ZNF728: variants seen among roughly 807,000 people sequenced by gnomAD.
ZNF728 encodes zinc finger protein 728.
Under a neutral mutation model 12.5 loss-of-function variants are expected in ZNF728, and 12 were observed. That is an observed-to-expected ratio of 0.96 (90% CI 0.61 to 1.55). The LOEUF (loss-of-function observed/expected upper bound fraction) is 1.55. ZNF728 is among the 40% of genes most tolerant of loss of function. ZNF728 has a pLI of 0.00. For missense variants in ZNF728, 692 were observed against 719.2 expected, an observed-to-expected ratio of 0.96 and a Z score of 0.43; for synonymous variants, 205 against 240.7, an observed-to-expected ratio of 0.85 and a Z score of 1.37.
Position 22,975,719 on chromosome 19 carries a change from C to G in ZNF728, c.1618G>C (p.Glu540Gln). Residue 540 changes from glutamate (E) to glutamine (Q), a missense_variant, in exon 4 of 4, where the codon GAA (glutamate) becomes CAA (glutamine). Around this residue, in one of 3 missense-constraint regions of ZNF728, gnomAD observed 244 missense variants for 235.2 expected, o/e 1.04. Transcript: ENST00000594710. ...HTGEKQYKCE[E>Q]CGKAFIWSSR... Reference sequence around the variant, plus strand: ...GACCAGATGAAGGCTTTGCCACATTCTTCACATTTGTATTGTTTCTCTCCA... The same window carrying G: ...GACCAGATGAAGGCTTTGCCACATTGTTCACATTTGTATTGTTTCTCTCCA... The G allele has an allele frequency of 6.2e-7, 1 of 1,611,816 alleles. No individual in the cohort carries two copies. Among genetic ancestry groups the G allele is most frequent in the South Asian group, 1.1e-5 (1 of 91,044 alleles).
At chr19:22,996,555 C>T (rs1284928672) in intron 1 of ZNF728, among the ~76,000 whole-genome samples, 1 of 152,116 alleles carries the variant, frequency 6.6e-6, no homozygotes, top group Non-Finnish European at 1.5e-5. Context: ...CTTTTTTATG[C>T]TCTTGAAATG....
chr19:22,979,851 T>C (rs1269517560), intron 3 of ZNF728, among the ~76,000 whole-genome samples: 1 of 152,232 alleles, frequency 6.6e-6, no homozygotes, highest in African/African-American at 2.4e-5. Context: ...CAAGAGCTCC[T>C]GAAGGAAGCA....
rs1459696010 is a variant in ZNF728 at position 22,975,784 on chromosome 19, C to A, written c.1553G>T (p.Ser518Ile). 6.2e-7 allele frequency: 1 copy of A among 1,609,868 alleles called. No individual in the cohort carries two copies. The highest frequency in any genetic ancestry group is 1.3e-5 in the African/African-American group (1 of 74,166). Residue 518 changes from serine (S) to isoleucine (I), a missense_variant, in exon 4 of 4, where the codon AGT becomes ATT. Physicochemically the swap from Ser to Ile is moderately radical, Grantham distance 142. Transcript: ENST00000594710. ...ATGTTTAGTAAGGTTTGCAACCTTA[C>A]TGAAGGCTTTGCCACATTCTTCACA... ...YKCEECGKAFSKVANLTKHKV... is the reference protein window; with the variant it reads ...YKCEECGKAFIKVANLTKHKV...
intron 1 of ZNF728, among the ~76,000 whole-genome samples, chr19:22,989,794 A>T (rs993060656): frequency 1.3e-5 from 2 of 151,960 alleles, no homozygotes; most frequent in Admixed American, 6.6e-5. Flanking sequence ...TCTCCTATAA[A>T]TTTTTTTAGA....
At chr19:22,991,467 A>C (rs1968986925) in intron 1 of ZNF728, among the ~76,000 whole-genome samples, 4 of 152,228 alleles carry the variant, frequency 2.6e-5, no homozygotes, top group South Asian at 2.1e-4. Context: ...AATTTAATGC[A>C]ATTTAGATAA....
chr19:22,976,732 T>G lies in ZNF728; in HGVS notation c.605A>C (p.Lys202Thr). The part of the protein sequence containing the change: ...KRIYTRENSY[K>T]SEEHGKAFNW... ...AAAGGCTTTGCCATGTTCTTCACTT[T>G]TGTAGGAATTCTCTCTAGTATAAAT... is the stretch of plus-strand genomic sequence containing the variant. The change falls in exon 4 of 4, where the codon AAA (lysine) becomes ACA (threonine). Residue 202 changes from lysine (K) to threonine (T), a missense_variant. Transcript: ENST00000594710. 6.2e-7 allele frequency: 1 copy of G among 1,613,460 alleles called. No homozygotes were observed. Among genetic ancestry groups the G allele is most frequent in the Non-Finnish European group, 8.5e-7 (1 of 1,179,928 alleles).
chr19:23,001,919 TG>T (rs752990092), intron 1 of ZNF728, among the ~76,000 whole-genome samples: 6 of 152,014 alleles, frequency 3.9e-5, no homozygotes, highest in Non-Finnish European at 8.8e-5. Flanking sequence ...TTGGGACACA[TG>T]TGAAAAATGC....
chr19:22,988,529 A>G, intron 1 of ZNF728, 78 bp from the exon 2 acceptor site: 7 of 1,569,628 alleles, frequency 4.5e-6, no homozygotes, highest in Non-Finnish European at 6.0e-6. Flanking sequence ...GGTAAAATGG[A>G]AAGAGTAAAA....
chr19:22,990,673 T>C (rs1968977581), intron 1 of ZNF728, among the ~76,000 whole-genome samples: 1 of 151,950 alleles, frequency 6.6e-6, no homozygotes, highest in African/African-American at 2.4e-5. Flanking sequence ...ATGAATGTAT[T>C]ATGAATTCCT....
intron 3 of ZNF728, among the ~76,000 whole-genome samples, chr19:22,978,519 A>G (rs1350645472): frequency 1.3e-5 from 2 of 152,224 alleles, no homozygotes; most frequent in African/African-American, 4.8e-5. Context: ...TAAGGGTCAG[A>G]CTGCCACCTC....
chr19:22,988,400 G>A lies in ZNF728; in HGVS notation c.55C>T (p.Gln19Ter), dbSNP rs562053933. ...VAIQFSLEEWQCLDTAQQNLY... is the reference protein window; with the variant it reads ...VAIQFSLEEW Reference sequence around the variant, plus strand: ...TTCTGCTGTGCAGTGTCCAGGCATTGCCACTCCTCCAGAGAGAATTGTATG... The same window carrying A: ...TTCTGCTGTGCAGTGTCCAGGCATTACCACTCCTCCAGAGAGAATTGTATG... Residue 19 changes from glutamine (Q) to a stop codon, truncating the protein, a stop_gained, in exon 2 of 4, where the codon CAA becomes TAA. Transcript: ENST00000594710. LOFTEE classifies it high-confidence loss of function. 4 of 1,614,042 alleles carry A rather than the reference G, an allele frequency of 2.5e-6. No individual in the cohort carries two copies. Among genetic ancestry groups the A allele is most frequent in the African/African-American group, 1.3e-5 (1 of 75,014 alleles).
At chr19:22,992,246 T>C (rs1568277386) in intron 1 of ZNF728, among the ~76,000 whole-genome samples, 1 of 152,006 alleles carries the variant, frequency 6.6e-6, no homozygotes, top group Non-Finnish European at 1.5e-5. Flanking sequence ...TTTTCTTTTC[T>C]TTTTCCTTTT....
intron 1 of ZNF728, chr19:22,995,918 G>C (rs1969045346): frequency 6.6e-6 from 1 of 152,150 alleles, no homozygotes; most frequent in Non-Finnish European, 1.5e-5. Context: ...TAACTGGAGA[G>C]CTATTATGGT....
At position 22,976,613 on chromosome 19, in the gene ZNF728, T is replaced by C. The variant is rs1208755321; in HGVS notation, c.724A>G (p.Ile242Val). 5.0e-6 allele frequency: 8 copies of C among 1,610,728 alleles called. No individual in the cohort carries two copies. Among genetic ancestry groups the C allele is most frequent in the African/African-American group, 1.3e-5 (1 of 74,886 alleles). ...TGAATTACCTTATGCTTAGTAAGGA[T>C]TGAGAACTTACTAAAGGCTTTGCCA... The part of the protein sequence containing the change: ...ECGKAFSKFS[I>V]LTKHKVIHTG... Residue 242 changes from isoleucine (I) to valine (V), a missense_variant, in exon 4 of 4, where the codon ATC (isoleucine) becomes GTC (valine). Coordinates refer to ENST00000594710, the MANE Select transcript of ZNF728 (RefSeq NM_001267716.2).
intron 1 of ZNF728, among the ~76,000 whole-genome samples, chr19:23,000,270 C>T (rs1396442393): frequency 2.6e-5 from 4 of 151,468 alleles, no homozygotes; most frequent in African/African-American, 4.8e-5. Flanking sequence ...CCCAGCTACT[C>T]GGGAGACTGA....
chr19:22,977,255 T>C (rs1968817143), intron 3 of ZNF728, 145 bp from the exon 4 acceptor site: 1 of 792,428 alleles, frequency 1.3e-6, no homozygotes, highest in African/African-American at 1.7e-5. Flanking sequence ...CATATAAATG[T>C]AATAAAAGCA....
chr19:22,986,110 G>A (rs1968914079), intron 3 of ZNF728, among the ~76,000 whole-genome samples: 1 of 152,144 alleles, frequency 6.6e-6, no homozygotes, highest in African/African-American at 2.4e-5. Flanking sequence ...AACCCAGAGG[G>A]CATTCTATCA....
At chr19:22,999,923 G>T (rs1214180292) in intron 1 of ZNF728, among the ~76,000 whole-genome samples, 1 of 152,150 alleles carries the variant, frequency 6.6e-6, no homozygotes, top group Non-Finnish European at 1.5e-5. Context: ...ATGAAACTAT[G>T]TAACTCACCA....
At chr19:22,983,833 C>T (rs145058971) in intron 3 of ZNF728, among the ~76,000 whole-genome samples, 1 of 152,080 alleles carries the variant, frequency 6.6e-6, no homozygotes, top group South Asian at 2.1e-4. Flanking sequence ...GGAAGGGGAA[C>T]ATCACACACC....
Sources: allele counts gnomAD v4.1 joint callset (sites outside exome capture counted in the v4.1 genomes callset), GRCh38; gene constraint gnomAD v4.1.1; regional missense constraint gnomAD v4.1.1; transcripts MANE v1.5; gene names NCBI Gene and HGNC (gene_info 2026-07-23, HGNC 2026-07-21).